SHTN1: variants seen among roughly 807,000 people sequenced by gnomAD.
SHTN1 encodes shootin-1.
In SHTN1, 42 loss-of-function variants were observed where a neutral mutation model predicts 83.1. The observed-to-expected ratio is 0.51, with a 90% CI of 0.39 to 0.65. The LOEUF is 0.65. Ranked by LOEUF, SHTN1 falls within the 30% of genes least tolerant of loss-of-function variation. The pLI is 0.00. For missense variants in SHTN1, 622 were observed against 737.8 expected, an observed-to-expected ratio of 0.84 and a Z score of 1.82; for synonymous variants, 224 against 247.7, an observed-to-expected ratio of 0.90 and a Z score of 0.90.
At chr10:117,117,719 G>T (rs567734851) in intron 1 of SHTN1, among the ~76,000 whole-genome samples, 3 of 152,178 alleles carry the variant, frequency 2.0e-5, no homozygotes, top group African/African-American at 7.2e-5. Context: ...ACAGAATAAA[G>T]AACCAAATTA....
At chr10:116,965,526 T>C (rs2576441) in intron 3 of SHTN1, among the ~76,000 whole-genome samples, 150,310 of 152,360 alleles carry the variant, frequency 0.99, 74,174 homozygotes, top group East Asian at 1. Context: ...CAAAAAAAGA[T>C]GTAGGCCTAG....
At chr10:116,950,941 A>G (rs1433380443) in intron 6 of SHTN1, among the ~76,000 whole-genome samples, 1 of 152,190 alleles carries the variant, frequency 6.6e-6, no homozygotes, top group Non-Finnish European at 1.5e-5. Flanking sequence ...TGACAGGATC[A>G]ATACGTTGGC....
At chr10:116,887,152 G>A (rs1310747815) in intron 16 of SHTN1, among the ~76,000 whole-genome samples, 2 of 152,208 alleles carry the variant, frequency 1.3e-5, no homozygotes, top group African/African-American at 2.4e-5. Context: ...GAGAGCCAGA[G>A]TAGAAGCTAA....
intron 4 of SHTN1, among the ~76,000 whole-genome samples, chr10:116,957,827 A>C (rs1001357264): frequency 2.6e-5 from 4 of 152,146 alleles, no homozygotes; most frequent in Non-Finnish European, 4.4e-5. Flanking sequence ...TGGGAGGCTA[A>C]GGCGGGCAGG....
Position 117,005,056 on chromosome 10 carries a change from CT to C in SHTN1, c.23del (p.Lys8SerfsTer9). On this transcript the variant is annotated frameshift_variant, in exon 1 of 17. Coordinates refer to ENST00000355371, the MANE Select transcript of SHTN1 (RefSeq NM_001127211.3). LOFTEE classifies it high-confidence loss of function. Reference protein sequence around the residue: MNSSDEEKQLQLITSLKE... With the variant: MNSSDEEXQLQLITSLKE... ...TCAGACTGGTAATGAGCTGCAGCTG[CT>C]TCTCTTCGTCCGAGCTGTTCATTTT... is the stretch of plus-strand genomic sequence containing the variant. The C allele has an allele frequency of 6.3e-7, 1 of 1,599,152 alleles. No individual in the cohort carries two copies. Among genetic ancestry groups the C allele is most frequent in the Non-Finnish European group, 8.5e-7 (1 of 1,173,248 alleles).
At chr10:116,954,421 G>A (rs1849899942) in intron 4 of SHTN1, among the ~76,000 whole-genome samples, 1 of 152,168 alleles carries the variant, frequency 6.6e-6, no homozygotes, top group Non-Finnish European at 1.5e-5. Context: ...CCAGCAGCAA[G>A]TGGAAATGCT....
chr10:116,915,384 C>T lies in SHTN1; in HGVS notation c.1296G>A (p.Pro432=), dbSNP rs1848348953. ...TTCAGTCACTCCATACCTTTGTCTT[C>T]GGTCTGGCTGTCTGATTAACGGGTC... ...HLRPVNQTAR[P]KTKPESSKGC... is the part of the protein sequence containing the mutation. Residue 432 remains proline (P), a synonymous_variant, in exon 13 of 17, where the codon CCG becomes CCA. Transcript: ENST00000355371. 6.4e-6 allele frequency: 10 copies of T among 1,561,138 alleles called. No individual in the cohort carries two copies. Among genetic ancestry groups the T allele is most frequent in the South Asian group, 1.1e-5 (1 of 89,856 alleles).
At chr10:116,935,968 T>C (rs774597449) in intron 9 of SHTN1, among the ~76,000 whole-genome samples, 25 of 152,236 alleles carry the variant, frequency 1.6e-4, no homozygotes, top group Non-Finnish European at 2.6e-4. Context: ...GTATTTATAG[T>C]ATTCTCTGAT....
At chr10:117,023,850 G>A (rs764080259) in intron 2 of SHTN1, 4 of 152,620 alleles carry the variant, frequency 2.6e-5, no homozygotes, top group South Asian at 2.1e-4. Flanking sequence ...AGTTATATAC[G>A]TATTTCCAAC....
chr10:116,992,733 T>C (rs1851484201), intron 1 of SHTN1, among the ~76,000 whole-genome samples: 1 of 152,210 alleles, frequency 6.6e-6, no homozygotes, highest in Non-Finnish European at 1.5e-5. Flanking sequence ...CAGGAATATA[T>C]ACTGTCTGTC....
chr10:117,085,918 AT>A (rs35586223), intron 1 of SHTN1, among the ~76,000 whole-genome samples: 1,451 of 121,044 alleles, frequency 0.012, 10 homozygotes, highest in African/African-American at 0.044. Flanking sequence ...GCTTTGTCTG[AT>A]TTTTTTTTTT....
chr10:117,048,205 C>T (rs1265897281), intron 2 of SHTN1, among the ~76,000 whole-genome samples: 1 of 152,104 alleles, frequency 6.6e-6, no homozygotes, highest in Non-Finnish European at 1.5e-5. Context: ...GATTAAGTGG[C>T]TCTGTGTGCT....
chr10:117,058,387 A>T (rs908226426), intron 1 of SHTN1, among the ~76,000 whole-genome samples: 1 of 152,238 alleles, frequency 6.6e-6, no homozygotes, highest in African/African-American at 2.4e-5. Context: ...CATTTTTCCA[A>T]AGAAGATATA....
intron 12 of SHTN1, 98 bp downstream of exon 12, chr10:116,921,336 C>T: frequency 2.5e-6 from 2 of 807,532 alleles, no homozygotes; most frequent in Non-Finnish European, 4.1e-6. Flanking sequence ...ATACTACTCT[C>T]CCAACAACAT....
At chr10:116,896,871 A>C (rs2133313823) in intron 16 of SHTN1, among the ~76,000 whole-genome samples, 1 of 151,224 alleles carries the variant, frequency 6.6e-6, no homozygotes, top group Non-Finnish European at 1.5e-5. Context: ...CAGTGGCACA[A>C]TCTGGGCTCA....
Position 116,921,501 on chromosome 10 carries a change from C to T in SHTN1, c.1128G>A (p.Met376Ile), listed in dbSNP as rs1352208145. 3 of 1,613,446 alleles carry T rather than the reference C, an allele frequency of 1.9e-6. No homozygotes were observed. The Admixed American group carries it at 5.0e-5, about 27-fold the overall frequency. Residue 376 changes from methionine (M) to isoleucine (I), a missense_variant, in exon 12 of 17, where the codon ATG (methionine) becomes ATA (isoleucine). Physicochemically the swap from Met to Ile is conservative, Grantham distance 10. Around this residue, in one of 3 missense-constraint regions of SHTN1, gnomAD observed 383 missense variants for 455.8 expected, o/e 0.84. Coordinates refer to ENST00000355371, the MANE Select transcript of SHTN1 (RefSeq NM_001127211.3). Reference sequence around the variant, plus strand: ...CACTGGGGTGGGATCGTTTCCGGATCATGGACATGAGGGATCTTTGGGAGA... The same window carrying T: ...CACTGGGGTGGGATCGTTTCCGGATTATGGACATGAGGGATCTTTGGGAGA... ...PPNPIRSLMS[M>I]IRKRSHPSGS...
intron 1 of SHTN1, chr10:117,048,624 T>C (rs1852700205): frequency 1.7e-5 from 4 of 229,066 alleles, no homozygotes; most frequent in Non-Finnish European, 2.9e-5. Flanking sequence ...TCCCCAATTA[T>C]AACTAGTTAT....
chr10:117,101,620 G>A (rs1853595921), intron 1 of SHTN1, among the ~76,000 whole-genome samples: 1 of 152,102 alleles, frequency 6.6e-6, no homozygotes, highest in African/African-American at 2.4e-5. Context: ...GGGGTCAGTG[G>A]GTAAAAGTGT....
intron 2 of SHTN1, among the ~76,000 whole-genome samples, chr10:117,022,211 C>A (rs183826491): frequency 6.6e-6 from 1 of 152,300 alleles, no homozygotes; most frequent in East Asian, 1.9e-4. Flanking sequence ...ACTACTTACA[C>A]ATACAACACT....
Sources: allele counts gnomAD v4.1 joint callset (sites outside exome capture counted in the v4.1 genomes callset), GRCh38; gene constraint gnomAD v4.1.1; regional missense constraint gnomAD v4.1.1; transcripts MANE v1.5; gene names NCBI Gene and HGNC (gene_info 2026-07-23, HGNC 2026-07-21).